Variants in LTBP1 observed in about 807,000 individuals in gnomAD.
LTBP1 encodes the protein latent-transforming growth factor beta-binding protein 1.
In LTBP1, 129 loss-of-function variants were observed where a neutral mutation model predicts 207.6. The observed-to-expected ratio is 0.62, with a 90% CI of 0.54 to 0.72. The LOEUF (loss-of-function observed/expected upper bound fraction) is 0.72. Ranked by LOEUF, LTBP1 falls within the 30% of genes least tolerant of loss-of-function variation. The pLI is 0.00. For missense variants in LTBP1, 2,281 were observed against 2,217.2 expected (o/e 1.03, Z -0.58); for synonymous variants, 963 against 833.7 (o/e 1.16, Z -2.67).
chr2:33,223,598 G>A (rs1454376), intron 9 of LTBP1, among the ~76,000 whole-genome samples: 74,536 of 152,040 alleles, frequency 0.49, 18,484 homozygotes, highest in Non-Finnish European at 0.52. Context: ...TAAGATGCAT[G>A]TTTTACAATA....
At chr2:33,391,467 T>C (rs2095313943) in intron 32 of LTBP1, among the ~76,000 whole-genome samples, 1 of 152,160 alleles carries the variant, frequency 6.6e-6, no homozygotes, top group South Asian at 2.1e-4. Flanking sequence ...AGAAGAATTA[T>C]TAAGGTTGAA....
At chr2:33,010,900 A>C (rs1474996914) in intron 2 of LTBP1, among the ~76,000 whole-genome samples, 1 of 151,876 alleles carries the variant, frequency 6.6e-6, no homozygotes, top group African/African-American at 2.4e-5. Flanking sequence ...TTGTATTTTT[A>C]GTAGAGACGG....
At chr2:33,057,902 C>G (rs999252120) in intron 3 of LTBP1, among the ~76,000 whole-genome samples, 201 of 152,370 alleles carry the variant, frequency 1.3e-3, no homozygotes, top group East Asian at 1.2e-3. Context: ...TGAAGGGCTC[C>G]TCAAGCACGG....
intron 2 of LTBP1, among the ~76,000 whole-genome samples, chr2:33,017,197 T>G (rs1387127787): frequency 6.6e-6 from 1 of 152,154 alleles, no homozygotes; most frequent in Non-Finnish European, 1.5e-5. Flanking sequence ...GAAAATGACA[T>G]CTAAAATTGC....
intron 31 of LTBP1, among the ~76,000 whole-genome samples, chr2:33,378,489 C>A (rs750133736): frequency 5.9e-5 from 9 of 152,092 alleles, no homozygotes; most frequent in Non-Finnish European, 1.2e-4. Context: ...GCCTCAGCCT[C>A]CCAAAGTGCT....
intron 7 of LTBP1, among the ~76,000 whole-genome samples, chr2:33,194,186 C>T (rs112689749): frequency 0.012 from 1,796 of 152,046 alleles, 34 homozygotes; most frequent in African/African-American, 0.041. Context: ...GGGGTTTCAC[C>T]GTGTTAGCCA....
intron 31 of LTBP1, among the ~76,000 whole-genome samples, chr2:33,367,957 G>A (rs1186024669): frequency 6.6e-6 from 1 of 152,202 alleles, no homozygotes; most frequent in African/African-American, 2.4e-5. Flanking sequence ...GCTCATGCCT[G>A]TAATCACAGC....
intron 10 of LTBP1, 78 bp from the exon 11 acceptor site, chr2:33,252,599 G>C: frequency 7.4e-7 from 1 of 1,344,776 alleles, no homozygotes; most frequent in Non-Finnish European, 1.0e-6. Flanking sequence ...ATACCTTAGG[G>C]TTCATTTTAC....
intron 16 of LTBP1, among the ~76,000 whole-genome samples, chr2:33,274,547 C>G (rs2093386742): frequency 2.0e-5 from 3 of 152,190 alleles, no homozygotes; most frequent in Middle Eastern, 6.8e-3. Flanking sequence ...CTTTCAGAAC[C>G]TAGAATATTA....
At chr2:32,951,794 A>G (rs1250521813) in intron 2 of LTBP1, among the ~76,000 whole-genome samples, 1 of 152,244 alleles carries the variant, frequency 6.6e-6, no homozygotes, top group African/African-American at 2.4e-5. Context: ...AGTAAATTCT[A>G]TCTCCTTTGT....
chr2:33,231,353 C>A (rs1203030797), intron 9 of LTBP1, among the ~76,000 whole-genome samples: 1 of 152,164 alleles, frequency 6.6e-6, no homozygotes, highest in Non-Finnish European at 1.5e-5. Context: ...TCAGCCTAGG[C>A]TCCTTTTAGA....
intron 9 of LTBP1, among the ~76,000 whole-genome samples, chr2:33,230,981 C>T (rs910004722): frequency 5.9e-5 from 9 of 152,132 alleles, no homozygotes; most frequent in African/African-American, 1.4e-4. Flanking sequence ...TATGTATATT[C>T]GTTTTTCATA....
intron 2 of LTBP1, among the ~76,000 whole-genome samples, chr2:33,006,199 A>G (rs1374512220): frequency 2.0e-5 from 3 of 152,168 alleles, no homozygotes; most frequent in Non-Finnish European, 4.4e-5. Context: ...CTGAGATTAC[A>G]GGCGTGAGCC....
intron 24 of LTBP1, among the ~76,000 whole-genome samples, chr2:33,341,729 A>AAATAT (rs745445793): frequency 5.1e-4 from 48 of 93,614 alleles, no homozygotes; most frequent in African/African-American, 2.2e-3. Context: ...AAAAAAAAAA[A>AAATAT]ATATATATAT....
intron 5 of LTBP1, among the ~76,000 whole-genome samples, chr2:33,185,909 A>G (rs950222645): frequency 2.6e-5 from 4 of 152,184 alleles, no homozygotes; most frequent in African/African-American, 9.6e-5. Flanking sequence ...TTTTATTATA[A>G]TATTCTTCAA....
At chr2:32,971,138 A>G (rs1572880351) in intron 2 of LTBP1, among the ~76,000 whole-genome samples, 1 of 151,848 alleles carries the variant, frequency 6.6e-6, no homozygotes, top group East Asian at 1.9e-4. Context: ...TTATATATTG[A>G]TACTGTATCC....
Position 33,161,410 on chromosome 2 carries a change from G to A in LTBP1, c.1202-25446G>A, listed in dbSNP as rs371013270. Among the ~76,000 whole-genome samples, 7 of 151,956 alleles carry A rather than the reference G, an allele frequency of 4.6e-5. No homozygotes were observed. In the East Asian group the frequency reaches 1.2e-3, roughly 25 times the overall value. ...GCCTCCCAAGTAGCTGGGATTACAG[G>A]TGCCCGCCACCACACCCAGCTAATT... On this transcript the variant is annotated intron_variant, in intron 5 of 33. Transcript: ENST00000404816.
chr2:33,044,085 C>T (rs763337152), intron 3 of LTBP1, among the ~76,000 whole-genome samples: 10 of 150,912 alleles, frequency 6.6e-5, no homozygotes, highest in Admixed American at 2.0e-4. Context: ...AAAAGGAAAG[C>T]ATTTAGACCT....
chr2:33,267,108 T>C (rs1362929545), intron 15 of LTBP1, among the ~76,000 whole-genome samples: 1 of 152,252 alleles, frequency 6.6e-6, no homozygotes, highest in East Asian at 1.9e-4. Flanking sequence ...ACTGGCAGTA[T>C]ATCTGGTCCA....
Sources: allele counts gnomAD v4.1 joint callset (sites outside exome capture counted in the v4.1 genomes callset), GRCh38; gene constraint gnomAD v4.1.1; transcripts MANE v1.5; gene names NCBI Gene and HGNC (gene_info 2026-07-23, HGNC 2026-07-21).